PLPPR1: variants seen among roughly 807,000 people sequenced by gnomAD.
The protein encoded by PLPPR1 is phospholipid phosphatase-related protein type 1.
In PLPPR1, 10 loss-of-function variants were observed where a neutral mutation model predicts 33.1. That is an observed-to-expected ratio of 0.30 (90% confidence interval 0.19 to 0.51). The LOEUF is 0.51. Among genes scored for constraint, PLPPR1 ranks in the 20% least tolerant of loss-of-function variants. PLPPR1 has a pLI of 0.97. For missense variants in PLPPR1, 304 were observed against 408.1 expected (o/e 0.74, Z 2.20); for synonymous variants, 151 against 151.0 (o/e 1.00, Z 0.00).
chr9:101,064,935 G>A (rs1830392918), intron 1 of PLPPR1, among the ~76,000 whole-genome samples: 1 of 151,952 alleles, frequency 6.6e-6, no homozygotes, highest in Non-Finnish European at 1.5e-5. Context: ...TCAATGAATG[G>A]ACTAATCCAT....
At chr9:101,274,602 G>T (rs776415582) in intron 3 of PLPPR1, among the ~76,000 whole-genome samples, 1 of 152,170 alleles carries the variant, frequency 6.6e-6, no homozygotes, top group Non-Finnish European at 1.5e-5. Flanking sequence ...TTCTGATAAT[G>T]CTCAGGGAAG....
chr9:101,114,646 G>A (rs1831097836), intron 1 of PLPPR1, among the ~76,000 whole-genome samples: 1 of 152,244 alleles, frequency 6.6e-6, no homozygotes, highest in Admixed American at 6.5e-5. Flanking sequence ...ACACAGCACA[G>A]TGTAATTAAG....
intron 1 of PLPPR1, among the ~76,000 whole-genome samples, chr9:101,065,931 G>A (rs141828581): frequency 2.2e-4 from 33 of 152,038 alleles, no homozygotes; most frequent in African/African-American, 8.0e-4. Context: ...ACATTACTAT[G>A]GTACTTTTGT....
At chr9:101,118,707 AC>A (rs1247437709) in intron 1 of PLPPR1, among the ~76,000 whole-genome samples, 1 of 152,112 alleles carries the variant, frequency 6.6e-6, no homozygotes, top group Non-Finnish European at 1.5e-5. Flanking sequence ...TACAAAGACA[AC>A]CCTTAAATGC....
rs192194212 is a variant in PLPPR1, at chr9:101,164,122, T to C, written c.-45-21328T>C. ...GTTAAGCCCTTTACTTCCTTTTTTTTAAATTATTTTTACAGAGAAGAAGTT... is the reference window on the plus strand; with the variant it reads ...GTTAAGCCCTTTACTTCCTTTTTTTCAAATTATTTTTACAGAGAAGAAGTT... On this transcript the variant is annotated intron_variant, in intron 1 of 7. Coordinates refer to ENST00000374874, the MANE Select transcript of PLPPR1 (RefSeq NM_207299.2). Among the ~76,000 whole-genome samples the C allele has an allele frequency of 5.9e-5, 9 of 152,252 alleles. No homozygotes were observed. The South Asian group carries it at 1.7e-3, about 28-fold the overall frequency.
intron 1 of PLPPR1, among the ~76,000 whole-genome samples, chr9:101,148,103 C>G (rs1033259005): frequency 6.6e-6 from 1 of 152,058 alleles, no homozygotes; most frequent in East Asian, 1.9e-4. Context: ...GCCTAGGGTG[C>G]CTTGCCTTAG....
chr9:101,180,125 TATATATATATATATATATACAC>T lies in PLPPR1; in HGVS notation c.-45-5323_-45-5302del, dbSNP rs1263240864. Among the ~76,000 whole-genome samples, 65 of 37,508 alleles carry T rather than the reference TATATATATATATATATATACAC, an allele frequency of 1.7e-3. 3 individuals are homozygous for T. Among genetic ancestry groups the T allele is most frequent in the African/African-American group, 4.7e-3 (51 of 10,934 alleles). The allele number at this position is 37,508 out of a possible 152,430, so 24.6% of individuals were successfully genotyped here. On this transcript the variant is annotated intron_variant, in intron 1 of 7. Transcript: ENST00000374874. Reference sequence around the variant, plus strand: ...ATATATATATATATATATATATATATATATATATATATATATATACACACACACACACACACATACACACACA... The same window carrying T: ...ATATATATATATATATATATATATATACACACACACACACATACACACACA...
At chr9:101,317,986 A>C (rs1406801314) in intron 7 of PLPPR1, among the ~76,000 whole-genome samples, 1 of 152,210 alleles carries the variant, frequency 6.6e-6, no homozygotes, top group African/African-American at 2.4e-5. Context: ...AGAACCTTGC[A>C]TCATACCAGG....
In PLPPR1 at chr9:101,181,848, A is replaced by ATG. The variant is rs556435077; in HGVS notation, c.-45-3596_-45-3595dup. ...CCTAGGTAGTATATATATAGTGTGC[A>ATG]TGTGTGTATATATATATATACACAC... On this transcript the variant is annotated intron_variant, in intron 1 of 7. Coordinates refer to ENST00000374874, the MANE Select transcript of PLPPR1 (RefSeq NM_207299.2). Among the ~76,000 whole-genome samples, 101 of 143,270 alleles carry ATG rather than the reference A, an allele frequency of 7.0e-4. 1 individual carries two copies. The East Asian group carries it at 0.02, about 29-fold the overall frequency. 94.0% of individuals were successfully genotyped at this position (143,270 alleles called of 152,430 possible).
At chr9:101,048,519 G>T (rs1273937745) in intron 1 of PLPPR1, among the ~76,000 whole-genome samples, 2 of 152,154 alleles carry the variant, frequency 1.3e-5, no homozygotes, top group Non-Finnish European at 2.9e-5. Flanking sequence ...AGGTTGTAAG[G>T]CTAACCTGGA....
intron 1 of PLPPR1, among the ~76,000 whole-genome samples, chr9:101,169,252 A>G (rs1210439751): frequency 6.6e-6 from 1 of 152,086 alleles, no homozygotes; most frequent in African/African-American, 2.4e-5. Context: ...GAGCATCCAA[A>G]ACTCATTTTC....
intron 2 of PLPPR1, among the ~76,000 whole-genome samples, chr9:101,244,204 T>G (rs1827537444): frequency 6.6e-6 from 1 of 151,838 alleles, no homozygotes; most frequent in Admixed American, 6.6e-5. Flanking sequence ...GTGGAGGAAG[T>G]CAATGAAGTT....
intron 7 of PLPPR1, among the ~76,000 whole-genome samples, chr9:101,318,362 T>C (rs1829093293): frequency 6.6e-6 from 1 of 152,198 alleles, no homozygotes; most frequent in Admixed American, 6.5e-5. Flanking sequence ...ACAGATGATA[T>C]GAAGCACTTA....
At chr9:101,029,529 A>G (rs1043670887) in intron 1 of PLPPR1, among the ~76,000 whole-genome samples, 2 of 152,096 alleles carry the variant, frequency 1.3e-5, no homozygotes, top group Non-Finnish European at 2.9e-5. Context: ...GCGGGGGTTG[A>G]GATTTCTCAC....
chr9:101,219,590 G>A (rs549999012), intron 2 of PLPPR1, among the ~76,000 whole-genome samples: 5 of 152,154 alleles, frequency 3.3e-5, no homozygotes, highest in Admixed American at 1.3e-4. Context: ...TCAGTAGATC[G>A]TTAATGATAT....
intron 1 of PLPPR1, among the ~76,000 whole-genome samples, chr9:101,072,211 T>C (rs1157641641): frequency 6.6e-6 from 1 of 152,116 alleles, no homozygotes; most frequent in Non-Finnish European, 1.5e-5. Context: ...ATGTTTCTGG[T>C]TGGGTGGCTC....
intron 1 of PLPPR1, among the ~76,000 whole-genome samples, chr9:101,128,201 C>G (rs1831269752): frequency 6.6e-6 from 1 of 152,052 alleles, no homozygotes; most frequent in Non-Finnish European, 1.5e-5. Flanking sequence ...TTTTAAAGAA[C>G]CAAGTGGTCT....
At chr9:101,256,619 G>T (rs1827808114) in intron 2 of PLPPR1, among the ~76,000 whole-genome samples, 1 of 152,066 alleles carries the variant, frequency 6.6e-6, no homozygotes, top group South Asian at 2.1e-4. Flanking sequence ...TGCTATTATT[G>T]TTTGCCACAT....
At chr9:101,319,569 T>C (rs944571809) in intron 7 of PLPPR1, among the ~76,000 whole-genome samples, 6 of 152,236 alleles carry the variant, frequency 3.9e-5, no homozygotes, top group Non-Finnish European at 8.8e-5. Context: ...TGTTTTCCCT[T>C]AATTTGTATT....
Sources: allele counts gnomAD v4.1 joint callset (sites outside exome capture counted in the v4.1 genomes callset), GRCh38; gene constraint gnomAD v4.1.1; transcripts MANE v1.5; gene names NCBI Gene and HGNC (gene_info 2026-07-23, HGNC 2026-07-21).